The following CAMTA1 variants were observed in gnomAD, a reference collection of about 807,000 sequenced individuals.
CAMTA1 encodes the protein calmodulin binding transcription activator 1.
A neutral mutation model predicts 170.9 loss-of-function variants in CAMTA1; 27 were observed. The observed-to-expected ratio is 0.16, with a 90% CI of 0.12 to 0.22. CAMTA1 has a LOEUF of 0.22. CAMTA1 is among the 10% of genes least tolerant of loss of function. CAMTA1 has a pLI of 1.00. For synonymous variants in CAMTA1, 833 were observed against 891.5 expected, an observed-to-expected ratio of 0.93 and a Z score of 1.17; for missense variants, 1,619 against 2,217.2, an observed-to-expected ratio of 0.73 and a Z score of 5.42.
rs1396520464 is a variant in CAMTA1, at chr1:7,552,055, A to G, written c.510+84154A>G. Among the ~76,000 whole-genome samples, 3 of 152,354 alleles carry G rather than the reference A, an allele frequency of 2.0e-5. No homozygotes were observed. In the East Asian group the frequency reaches 5.8e-4, roughly 29 times the overall value. On this transcript the variant is annotated intron_variant, in intron 6 of 22. Coordinates refer to ENST00000303635, the MANE Select transcript of CAMTA1 (RefSeq NM_015215.4). The stretch of plus-strand genomic sequence containing the variant: ...GCTCAGAGAGGACCAGTGACTTGCC[A>G]TAGGTCACACAGTGGGAGACGGTAG...
intron 5 of CAMTA1, among the ~76,000 whole-genome samples, chr1:7,254,972 A>C (rs545130971): frequency 3.8e-3 from 572 of 152,360 alleles, no homozygotes; most frequent in African/African-American, 0.013. Flanking sequence ...ACCAGCAGGG[A>C]GGCGCTGCGT....
chr1:7,226,772 T>G (rs1661768883), intron 4 of CAMTA1, among the ~76,000 whole-genome samples: 1 of 142,222 alleles, frequency 7.0e-6, no homozygotes, highest in Admixed American at 7.2e-5. Flanking sequence ...CTAATAACTA[T>G]CTACTATTCT....
intron 4 of CAMTA1, among the ~76,000 whole-genome samples, chr1:7,230,799 G>A (rs951301501): frequency 2.8e-4 from 42 of 152,150 alleles, no homozygotes; most frequent in African/African-American, 9.9e-4. Flanking sequence ...CGCCAGTTGG[G>A]GAGATGGCAT....
intron 4 of CAMTA1, among the ~76,000 whole-genome samples, chr1:7,150,571 G>C (rs1405378231): frequency 6.6e-6 from 1 of 152,062 alleles, no homozygotes; most frequent in Non-Finnish European, 1.5e-5. Context: ...CCACCCACTA[G>C]ATGCCAATAG....
At chr1:7,669,195 C>T (rs557777294) in intron 9 of CAMTA1, among the ~76,000 whole-genome samples, 19 of 152,332 alleles carry the variant, frequency 1.2e-4, no homozygotes, top group East Asian at 3.9e-4. Context: ...TCTCTGCTGC[C>T]GTAGCAGTAA....
chr1:7,251,733 C>T lies in CAMTA1; in HGVS notation c.438+2107C>T, dbSNP rs532214956. Among the ~76,000 whole-genome samples the T allele has an allele frequency of 1.6e-4, 25 of 152,242 alleles. No individual in the cohort carries two copies. The highest frequency in any genetic ancestry group is 5.1e-4 in the African/African-American group (21 of 41,542). On this transcript the variant is annotated intron_variant, in intron 5 of 22. Coordinates refer to ENST00000303635, the MANE Select transcript of CAMTA1 (RefSeq NM_015215.4). The surrounding 1 kb of genome is among the most constrained non-coding windows in gnomAD (Gnocchi z 5.1). ...GTGAGGGTCATCAATAGTGCTGAGACGCAGAGCAGCCTGGGCTTTTATGAT... is the reference window on the plus strand; with the variant it reads ...GTGAGGGTCATCAATAGTGCTGAGATGCAGAGCAGCCTGGGCTTTTATGAT...
chr1:7,523,489 T>C (rs1448624198), intron 6 of CAMTA1, among the ~76,000 whole-genome samples: 1 of 152,224 alleles, frequency 6.6e-6, no homozygotes, highest in Non-Finnish European at 1.5e-5. Context: ...AAGGTATGTG[T>C]CTCTTCATGT....
At chr1:6,953,061 T>C (rs1036225074) in intron 3 of CAMTA1, among the ~76,000 whole-genome samples, 1 of 152,162 alleles carries the variant, frequency 6.6e-6, no homozygotes, top group Non-Finnish European at 1.5e-5. Context: ...TAGCTTACTT[T>C]TTCACTTGAT....
chr1:6,968,605 G>A (rs951758133), intron 3 of CAMTA1, among the ~76,000 whole-genome samples: 3 of 152,136 alleles, frequency 2.0e-5, no homozygotes, highest in African/African-American at 7.2e-5. Context: ...GATTGTGATC[G>A]ATGTGTGTCT....
At chr1:7,525,298 T>C (rs1340553206) in intron 6 of CAMTA1, among the ~76,000 whole-genome samples, 2 of 149,272 alleles carry the variant, frequency 1.3e-5, no homozygotes, top group East Asian at 2.1e-4. Flanking sequence ...TACACACACA[T>C]ACCACTAGAG....
intron 3 of CAMTA1, among the ~76,000 whole-genome samples, chr1:6,926,380 TTC>T (rs370976912): frequency 3.5e-4 from 52 of 146,816 alleles, no homozygotes; most frequent in African/African-American, 1.0e-3. Context: ...TTCTCTTTCT[TTC>T]TCTGTCTTCC....
Position 7,671,021 on chromosome 1 carries a change from G to C in CAMTA1, c.2763G>C (p.Leu921=). Residue 921 remains leucine (L), a synonymous_variant, in exon 10 of 23, where the codon CTG becomes CTC. Transcript: ENST00000303635. ...CATCCCTGATTCAGCCTGGGGTGCTGCGCTGCTACTGCCCAGGTGAGAAAG... is the reference window on the plus strand; with the variant it reads ...CATCCCTGATTCAGCCTGGGGTGCTCCGCTGCTACTGCCCAGGTGAGAAAG... The part of the protein sequence containing the change: ...VPASLIQPGV[L]RCYCPAHDTG... 1 of 1,613,532 alleles carries C rather than the reference G, an allele frequency of 6.2e-7. No homozygotes were observed. Among genetic ancestry groups the C allele is most frequent in the Non-Finnish European group, 8.5e-7 (1 of 1,179,962 alleles).
chr1:6,786,945 C>T (rs1013905920), intron 1 of CAMTA1, among the ~76,000 whole-genome samples: 1 of 152,210 alleles, frequency 6.6e-6, no homozygotes, highest in East Asian at 1.9e-4. Context: ...CAACCTTCAT[C>T]AGTTGACACT....
rs534548041 is a variant in CAMTA1 at position 7,291,758 on chromosome 1, T to C, written c.438+42132T>C. Among the ~76,000 whole-genome samples, 6 of 152,362 alleles carry C rather than the reference T, an allele frequency of 3.9e-5. No homozygotes were observed. In the South Asian group the frequency reaches 1.0e-3, roughly 26 times the overall value. On this transcript the variant is annotated intron_variant, in intron 5 of 22. Coordinates refer to ENST00000303635, the MANE Select transcript of CAMTA1 (RefSeq NM_015215.4). The stretch of plus-strand genomic sequence containing the variant: ...GGGCAGCCAGCCTGGCTCCACTCCA[T>C]TGGCGGCATTGCCCTTGGACAGTTT...
chr1:6,923,110 C>T (rs1682379201), intron 3 of CAMTA1, among the ~76,000 whole-genome samples: 1 of 152,174 alleles, frequency 6.6e-6, no homozygotes, highest in South Asian at 2.1e-4. Flanking sequence ...TTCAGGAAGA[C>T]AGCATAAACT....
chr1:6,842,601 C>T (rs1478816916), intron 3 of CAMTA1, among the ~76,000 whole-genome samples: 1 of 152,178 alleles, frequency 6.6e-6, no homozygotes, highest in Non-Finnish European at 1.5e-5. Context: ...GAAGTCTTCA[C>T]TGTGCTTAAA....
chr1:7,512,952 G>T (rs1361099108), intron 6 of CAMTA1, among the ~76,000 whole-genome samples: 2 of 152,188 alleles, frequency 1.3e-5, no homozygotes, highest in Non-Finnish European at 2.9e-5. Context: ...ACTAGAAAGT[G>T]CCAGAAGGGA....
Position 7,234,775 on chromosome 1 carries a change from A to T in CAMTA1, c.303-14716A>T, listed in dbSNP as rs1663495729. ...GCTTAACGATCTTGGGAAATTGGAA[A>T]ATACAAGTTGACCTTTTTTTTTTTT... On this transcript the variant is annotated intron_variant, in intron 4 of 22. Coordinates refer to ENST00000303635, the MANE Select transcript of CAMTA1 (RefSeq NM_015215.4). This position sits in a 1 kb window ranked among gnomAD's most constrained non-coding sequence, Gnocchi z 5.0. Among the ~76,000 whole-genome samples, 1 of 146,702 alleles carries T rather than the reference A, an allele frequency of 6.8e-6. No homozygotes were observed. The highest frequency in any genetic ancestry group is 1.5e-5 in the Non-Finnish European group (1 of 67,438).
Position 7,585,877 on chromosome 1 carries a change from C to T in CAMTA1, c.511-54523C>T, listed in dbSNP as rs146840409. ...CTGCCTCCCACCTCCCCTCTCGATGCGGCTTTCATTATGTAAACCTGTCTG... is the reference window on the plus strand; with the variant it reads ...CTGCCTCCCACCTCCCCTCTCGATGTGGCTTTCATTATGTAAACCTGTCTG... On this transcript the variant is annotated intron_variant, in intron 6 of 22. Coordinates refer to ENST00000303635, the MANE Select transcript of CAMTA1 (RefSeq NM_015215.4). The surrounding 1 kb of genome is among the most constrained non-coding windows in gnomAD (Gnocchi z 4.8). 5.3e-3 allele frequency among the ~76,000 whole-genome samples: 808 copies of T among 152,058 alleles called. 16 individuals carry two copies. The highest frequency in any genetic ancestry group is 0.018 in the African/African-American group (757 of 41,382).
Sources: gnomAD v4.1 joint callset for allele counts (sites outside exome capture counted in the v4.1 genomes callset) on GRCh38, gnomAD v4.1.1 for gene constraint, Gnocchi (gnomAD v3.1) non-coding constraint, MANE v1.5 for transcripts, NCBI Gene and HGNC (gene_info 2026-07-23, HGNC 2026-07-21) for gene names.